The following CRIM1 variants were observed in gnomAD, a reference collection of about 807,000 sequenced individuals.
The protein encoded by CRIM1 is cysteine-rich motor neuron 1 protein.
CRIM1 carries 32 observed loss-of-function variants against 116.4 expected under a neutral mutation model. The observed-to-expected ratio is 0.27, with a 90% confidence interval of 0.21 to 0.37. CRIM1 has a LOEUF of 0.37. Ranked by LOEUF, CRIM1 falls within the 10% of genes least tolerant of loss-of-function variation. The probability of loss-of-function intolerance (pLI) is 1.00; values close to 1 mark genes in which losing one functional copy is unlikely to be tolerated. For synonymous variants in CRIM1, 590 were observed against 509.2 expected (o/e 1.16, Z -2.13); for missense variants, 1,331 against 1,354.8 (o/e 0.98, Z 0.28).
chr2:36,410,763 TCA>T (rs1228136441), intron 2 of CRIM1, among the ~76,000 whole-genome samples: 1 of 152,170 alleles, frequency 6.6e-6, no homozygotes, highest in African/African-American at 2.4e-5. Context: ...CCAATCTGCC[TCA>T]CAGACCTTTT....
intron 13 of CRIM1, among the ~76,000 whole-genome samples, chr2:36,536,662 C>T (rs1047604810): frequency 2.6e-5 from 4 of 152,030 alleles, no homozygotes; most frequent in African/African-American, 9.7e-5. Context: ...AGAAAGGAAC[C>T]TTCAAGGAGA....
intron 1 of CRIM1, among the ~76,000 whole-genome samples, chr2:36,394,869 A>G (rs1201135009): frequency 6.6e-6 from 1 of 152,142 alleles, no homozygotes; most frequent in Non-Finnish European, 1.5e-5. Context: ...GTAGTAGATG[A>G]CATTCTTGTA....
At chr2:36,378,321 T>C in intron 1 of CRIM1, 1 of 471,162 alleles carries the variant, frequency 2.1e-6, no homozygotes, top group South Asian at 1.5e-5. Flanking sequence ...ATGATTGTCC[T>C]CCTAGGCAGG....
chr2:36,474,265 A>G (rs768025250), intron 5 of CRIM1, among the ~76,000 whole-genome samples: 3 of 152,070 alleles, frequency 2.0e-5, no homozygotes, highest in Non-Finnish European at 2.9e-5. Flanking sequence ...CTTTCTCCCA[A>G]TCTGTAGGGT....
intron 1 of CRIM1, among the ~76,000 whole-genome samples, chr2:36,376,760 C>G (rs981978938): frequency 6.6e-6 from 1 of 152,158 alleles, no homozygotes; most frequent in Non-Finnish European, 1.5e-5. Flanking sequence ...TTTCTTTTCC[C>G]TTTCTTTTGG....
At chr2:36,412,381 C>G (rs1202541837) in intron 2 of CRIM1, among the ~76,000 whole-genome samples, 1 of 152,108 alleles carries the variant, frequency 6.6e-6, no homozygotes, top group Non-Finnish European at 1.5e-5. Context: ...CTTGCCCAGC[C>G]CAAGTGAAAT....
chr2:36,378,806 G>GGTTTTTTTTTTTTTTTTTTT (rs1553368331), intron 1 of CRIM1: 1 of 118,922 alleles, frequency 8.4e-6, no homozygotes, highest in African/African-American at 3.4e-5. Flanking sequence ...GTTGTTTTCG[G>GGTTTTTTTTTTTTTTTTTTT]TTTTTTTTTT....
chr2:36,479,429 T>A, intron 6 of CRIM1, 68 bp from the exon 7 acceptor site: 1 of 1,498,416 alleles, frequency 6.7e-7, no homozygotes, highest in Non-Finnish European at 9.3e-7. Context: ...AAAAAATGTC[T>A]CTGGGTACTG....
rs766769761 is a variant in CRIM1 at position 36,544,436 on chromosome 2, T to C, written c.2684T>C (p.Val895Ala). The part of the protein sequence containing the change: ...PIEKTNHRGE[V>A]DLEVPLWPTP... ...GAGAAGACAAACCATCGAGGAGAGG[T>C]TGACCTGGAGGTTCCCCTGTGGCCC... Residue 895 changes from valine to alanine, a missense_variant, in exon 15 of 17, where the codon GTT becomes GCT. Transcript: ENST00000280527. The C allele has an allele frequency of 4.9e-6, 7 of 1,429,600 alleles. No homozygotes were observed. The Admixed American group carries it at 9.8e-5, about 20-fold the overall frequency. The allele number at this position is 1,429,600 out of a possible 1,614,324, so 88.6% of individuals were successfully genotyped here.
At chr2:36,498,557 C>T (rs1680762874) in intron 7 of CRIM1, among the ~76,000 whole-genome samples, 1 of 152,166 alleles carries the variant, frequency 6.6e-6, no homozygotes, top group Non-Finnish European at 1.5e-5. Context: ...CACCTCTGGT[C>T]TTGCTTTGTT....
At chr2:36,404,854 C>G (rs1672670618) in intron 2 of CRIM1, among the ~76,000 whole-genome samples, 1 of 152,202 alleles carries the variant, frequency 6.6e-6, no homozygotes, top group African/African-American at 2.4e-5. Context: ...ATCCTGTACT[C>G]TAAATTTACT....
chr2:36,421,699 A>G (rs1269591211), intron 2 of CRIM1, among the ~76,000 whole-genome samples: 1 of 152,198 alleles, frequency 6.6e-6, no homozygotes, highest in Non-Finnish European at 1.5e-5. Flanking sequence ...AATCCAGAAG[A>G]TGGCCTCTTT....
Position 36,522,127 on chromosome 2 carries a change from A to T in CRIM1, c.2242A>T (p.Ser748Cys). The part of the protein sequence containing the change: ...PFRPSLSRNN[S>C]VPNYCKNDEG... ...TCGGCCTTCCTTGTCCCGCAATAAC[A>T]GCGTACCTAATTACTGCAAAAATGA... Residue 748 changes from serine (S) to cysteine (C), a missense_variant, in exon 13 of 17, where the codon AGC becomes TGC. Physicochemically the swap from Ser to Cys is moderately radical, Grantham distance 112. This residue lies in a region of CRIM1 where 358 missense variants were observed against 436.1 expected (regional missense o/e 0.82). Coordinates refer to ENST00000280527, the MANE Select transcript of CRIM1 (RefSeq NM_016441.3). 1 of 1,614,186 alleles carries T rather than the reference A, an allele frequency of 6.2e-7. No homozygotes were observed. The highest frequency in any genetic ancestry group is 8.5e-7 in the Non-Finnish European group (1 of 1,180,022).
At chr2:36,496,310 T>C (rs1680589374) in intron 7 of CRIM1, among the ~76,000 whole-genome samples, 1 of 152,192 alleles carries the variant, frequency 6.6e-6, no homozygotes, top group Admixed American at 6.5e-5. Context: ...TTCACCCTAA[T>C]CTATTGAGGG....
At chr2:36,382,096 A>G (rs970719041) in intron 1 of CRIM1, among the ~76,000 whole-genome samples, 3 of 152,152 alleles carry the variant, frequency 2.0e-5, no homozygotes, top group Non-Finnish European at 4.4e-5. Context: ...GGATTAGGGA[A>G]CCTTGTATCC....
In CRIM1 at chr2:36,356,692, A is replaced by T; in HGVS notation, c.331+69A>T. 1 of 1,477,634 alleles carries T rather than the reference A, an allele frequency of 6.8e-7. No homozygotes were observed. The highest frequency in any genetic ancestry group is 1.3e-5 in the South Asian group (1 of 78,428). The allele number at this position is 1,477,634 out of a possible 1,614,324, so 91.5% of individuals were successfully genotyped here. A position where few individuals can be genotyped will look rare whatever the true frequency, so the allele number is the denominator to read the frequency against. ...GCCCCCTCGGCGCTGGTTGTGCCGA[A>T]CAAAGTTTGGGCGAGACTTTCTGGA... On this transcript the variant is annotated intron_variant, in intron 1 of 16. Transcript: ENST00000280527. The surrounding 1 kb of genome is among the most constrained non-coding windows in gnomAD (Gnocchi z 4.3).
chr2:36,470,575 A>G (rs1198796929), intron 5 of CRIM1, among the ~76,000 whole-genome samples: 1 of 152,228 alleles, frequency 6.6e-6, no homozygotes, highest in African/African-American at 2.4e-5. Context: ...GGATGACAGC[A>G]TGGTTTATTG....
At chr2:36,487,118 A>G (rs1482312281) in intron 7 of CRIM1, among the ~76,000 whole-genome samples, 1 of 152,208 alleles carries the variant, frequency 6.6e-6, no homozygotes, top group African/African-American at 2.4e-5. Flanking sequence ...TGTTCAACAG[A>G]TACCATTTTA....
rs938417993 is a variant in CRIM1, at chr2:36,373,921, C to CA, written c.331+17307dup. On this transcript the variant is annotated intron_variant, in intron 1 of 16. Transcript: ENST00000280527. ...TTAGGTTCTGTTAATTCCAACAGAA[C>CA]AAAAAAAAATCTGCCTCTGGCCATC... Among the ~76,000 whole-genome samples, 43 of 151,120 alleles carry CA rather than the reference C, an allele frequency of 2.8e-4. 1 individual carries two copies. In the South Asian group the frequency reaches 5.0e-3, roughly 18 times the overall value.
Sources: gnomAD v4.1 joint callset for allele counts (sites outside exome capture counted in the v4.1 genomes callset) on GRCh38, gnomAD v4.1.1 for gene constraint, gnomAD v4.1.1 regional missense constraint, Gnocchi (gnomAD v3.1) non-coding constraint, MANE v1.5 for transcripts, NCBI Gene and HGNC (gene_info 2026-07-23, HGNC 2026-07-21) for gene names.